DMD: variants seen among roughly 807,000 people sequenced by gnomAD.
The protein encoded by DMD is mutant dystrophin.
Under a neutral mutation model 330.1 loss-of-function variants are expected in DMD, and 63 were observed. That is an observed-to-expected ratio of 0.19 (90% CI 0.16 to 0.24). The LOEUF (loss-of-function observed/expected upper bound fraction) is 0.24. Among genes scored for constraint, DMD ranks in the 10% least tolerant of loss-of-function variants. The pLI is 1.00. For synonymous variants in DMD, 1,223 were observed against 959.8 expected (o/e 1.27, Z -5.07); for missense variants, 3,344 against 2,684.1 (o/e 1.25, Z -5.43).
rs1470235199 is a variant in DMD, at chrX:31,444,568, A to G, written c.8997T>C (p.Ala2999=). 3.3e-6 allele frequency: 4 copies of G among 1,211,851 alleles called. No homozygotes were observed. Among genetic ancestry groups the G allele is most frequent in the Non-Finnish European group, 4.5e-6 (4 of 895,508 alleles). Residue 2999 remains alanine, a synonymous_variant, in exon 60 of 79, where the codon GCT becomes GCC. Coordinates refer to ENST00000357033, the MANE Select transcript of DMD (RefSeq NM_004006.3). ...KENVSHVNDL[A]RQLTTLGIQL... ...GAATGCCCAAAGTGGTAAGCTGGCG[A>G]GCAAGGTCATTGACGTGGCTCACGT...
At chrX:32,122,359 C>T (rs1044519998) in intron 44 of DMD, among the ~76,000 whole-genome samples, 6 of 111,606 alleles carry the variant, frequency 5.4e-5, no homozygotes, top group African/African-American at 2.0e-4. Context: ...GCAAACCCTC[C>T]AGCTGATTCT....
chrX:32,698,905 A>G (rs1569468655), intron 8 of DMD, among the ~76,000 whole-genome samples: 1 of 111,104 alleles, frequency 9.0e-6, no homozygotes, highest in Non-Finnish European at 1.9e-5. Context: ...TAGTATTTTT[A>G]AAATATGTTT....
intron 2 of DMD, among the ~76,000 whole-genome samples, chrX:33,008,953 T>C (rs1173570111): frequency 1.9e-3 from 182 of 98,201 alleles, no homozygotes; most frequent in Non-Finnish European, 2.5e-3. Flanking sequence ...TATATATACG[T>C]ATATATACAT....
intron 2 of DMD, among the ~76,000 whole-genome samples, chrX:32,957,224 C>A (rs1425380645): frequency 1.8e-5 from 2 of 111,251 alleles, no homozygotes; most frequent in Non-Finnish European, 3.8e-5. Context: ...TTAAAGTCAT[C>A]GTAAACTCTT....
intron 63 of DMD, among the ~76,000 whole-genome samples, chrX:31,258,209 C>G (rs919764012): frequency 8.9e-6 from 1 of 112,049 alleles, no homozygotes; most frequent in Non-Finnish European, 1.9e-5. Context: ...AGGACAAATC[C>G]AGGTGTAGCC....
intron 60 of DMD, among the ~76,000 whole-genome samples, chrX:31,381,542 G>T (rs942512774): frequency 2.7e-5 from 3 of 111,464 alleles, no homozygotes; most frequent in South Asian, 7.6e-4. Flanking sequence ...AATTACCATT[G>T]TTCCTGGCCC....
chrX:32,319,383 A>G (rs2097599007), intron 41 of DMD, among the ~76,000 whole-genome samples: 1 of 111,657 alleles, frequency 9.0e-6, no homozygotes, highest in Non-Finnish European at 1.9e-5. Flanking sequence ...CATGCCTAGT[A>G]CCTAGCATAC....
Position 33,297,707 on chromosome X carries a change from T to C in DMD, c.7+41552A>G, listed in dbSNP as rs191725349. On this transcript the variant is annotated intron_variant, in intron 1 of 17. Coordinates refer to the DMD transcript ENST00000288447. ...CAAGGTGAACTTGGAGGACATATGC[T>C]ATGTGAAATAAGGGCAGAAAAAAAT... is the stretch of plus-strand genomic sequence containing the variant. Among the ~76,000 whole-genome samples the C allele has an allele frequency of 4.4e-3, 490 of 111,271 alleles. 2 individuals carry two copies. The highest frequency in any genetic ancestry group is 0.015 in the African/African-American group (474 of 30,788).
At chrX:31,459,481 C>T (rs968241201) in intron 59 of DMD, among the ~76,000 whole-genome samples, 1 of 112,067 alleles carries the variant, frequency 8.9e-6, no homozygotes, top group African/African-American at 3.2e-5. Flanking sequence ...CACTAACTTG[C>T]TTATGCCGTG....
chrX:32,773,951 A>C (rs1220507540), intron 7 of DMD, among the ~76,000 whole-genome samples: 1 of 111,663 alleles, frequency 9.0e-6, no homozygotes, highest in Non-Finnish European at 1.9e-5. Flanking sequence ...GTGATATCTG[A>C]TATCTGGCCC....
chrX:31,606,830 C>G (rs1171591937), intron 55 of DMD, among the ~76,000 whole-genome samples: 1 of 111,691 alleles, frequency 9.0e-6, no homozygotes, highest in East Asian at 2.8e-4. Context: ...TCTTACAGAT[C>G]TGTAGTTTTC....
intron 1 of DMD, among the ~76,000 whole-genome samples, chrX:33,114,997 C>T (rs139699965): frequency 8.9e-6 from 1 of 112,303 alleles, no homozygotes; most frequent in Non-Finnish European, 1.9e-5. Flanking sequence ...ACAAGGCAAT[C>T]AACATCTCAT....
chrX:33,149,994 G>A (rs1410256095), intron 1 of DMD, among the ~76,000 whole-genome samples: 2 of 111,776 alleles, frequency 1.8e-5, no homozygotes, highest in Non-Finnish European at 3.8e-5. Flanking sequence ...TCCTGCTCAT[G>A]TAATGATCTA....
chrX:31,658,421 T>C (rs1224937105), intron 53 of DMD, among the ~76,000 whole-genome samples: 1 of 111,968 alleles, frequency 8.9e-6, no homozygotes, highest in African/African-American at 3.2e-5. Context: ...GGCTTAATTG[T>C]TTTTATCACA....
chrX:32,551,959 T>C (rs745400275), intron 16 of DMD, among the ~76,000 whole-genome samples: 1 of 112,139 alleles, frequency 8.9e-6, no homozygotes, highest in African/African-American at 3.2e-5. Flanking sequence ...TACAAAATAT[T>C]GCTCAAGTAA....
At chrX:32,870,213 A>G (rs1011019921) in intron 2 of DMD, among the ~76,000 whole-genome samples, 12 of 111,702 alleles carry the variant, frequency 1.1e-4, no homozygotes, top group African/African-American at 3.3e-4. Flanking sequence ...TAAAGTAAGT[A>G]GGAATACAGC....
chrX:31,187,498 C>T (rs755686871), intron 67 of DMD, among the ~76,000 whole-genome samples: 12 of 111,843 alleles, frequency 1.1e-4, no homozygotes, highest in Non-Finnish European at 1.9e-4. Flanking sequence ...GGCTCACACA[C>T]GGTTCCTACT....
At chrX:32,281,845 G>T (rs2097421922) in intron 43 of DMD, among the ~76,000 whole-genome samples, 1 of 111,253 alleles carries the variant, frequency 9.0e-6, no homozygotes, top group South Asian at 3.7e-4. Context: ...CTATAGAAAT[G>T]TAATAATATA....
At chrX:32,361,603 T>A (rs574179022) in intron 37 of DMD, among the ~76,000 whole-genome samples, 31 of 112,048 alleles carry the variant, frequency 2.8e-4, no homozygotes, top group African/African-American at 9.4e-4. Context: ...ATTTAGAATT[T>A]ATCATGTCAC....
Sources: gnomAD v4.1 joint callset for allele counts (sites outside exome capture counted in the v4.1 genomes callset) on GRCh38, gnomAD v4.1.1 for gene constraint, MANE v1.5 for transcripts, NCBI Gene and HGNC (gene_info 2026-07-23, HGNC 2026-07-21) for gene names.